Variants in MACROD2 observed in about 807,000 individuals in gnomAD.
MACROD2 encodes mono-ADP ribosylhydrolase 2, also known as ADP-ribose glycohydrolase MACROD2.
Under a neutral mutation model 70.4 loss-of-function variants are expected in MACROD2, and 36 were observed. The ratio of observed to expected loss-of-function variants is 0.51; its 90% confidence interval spans 0.39 to 0.68. MACROD2 has a LOEUF of 0.68. Ranked by LOEUF, MACROD2 falls within the 30% of genes least tolerant of loss-of-function variation. The probability of loss-of-function intolerance (pLI) is 0.00; values close to 1 mark genes in which losing one functional copy is unlikely to be tolerated. For synonymous variants in MACROD2, 172 were observed against 178.8 expected (o/e 0.96, Z 0.30); for missense variants, 496 against 538.4 (o/e 0.92, Z 0.78).
intron 5 of MACROD2, among the ~76,000 whole-genome samples, chr20:14,792,175 C>A (rs918848552): frequency 6.6e-6 from 1 of 151,950 alleles, no homozygotes; most frequent in Non-Finnish European, 1.5e-5. Flanking sequence ...ATGGCGGCCA[C>A]TGTTTCTCTT....
chr20:14,900,527 G>T (rs1375227924), intron 5 of MACROD2, among the ~76,000 whole-genome samples: 1 of 151,850 alleles, frequency 6.6e-6, no homozygotes, highest in Non-Finnish European at 1.5e-5. Flanking sequence ...CTTCTTGAGT[G>T]AGTTCAGTAG....
intron 10 of MACROD2, among the ~76,000 whole-genome samples, chr20:15,895,799 C>T (rs915000020): frequency 6.6e-6 from 1 of 152,224 alleles, no homozygotes; most frequent in African/African-American, 2.4e-5. Flanking sequence ...AGGAATCAAT[C>T]TCCGGGTTGC....
At chr20:15,144,674 A>G (rs1436161809) in intron 5 of MACROD2, among the ~76,000 whole-genome samples, 1 of 152,206 alleles carries the variant, frequency 6.6e-6, no homozygotes, top group East Asian at 1.9e-4. Flanking sequence ...TAAATGTCAC[A>G]CTATGACTGA....
chr20:15,278,324 G>C (rs775225655), intron 6 of MACROD2, among the ~76,000 whole-genome samples: 10 of 152,186 alleles, frequency 6.6e-5, no homozygotes, highest in Non-Finnish European at 1.5e-4. Flanking sequence ...CCCAACTTCA[G>C]GGGGAGATAG....
At chr20:14,709,775 T>C (rs1233738543) in intron 5 of MACROD2, among the ~76,000 whole-genome samples, 1 of 152,180 alleles carries the variant, frequency 6.6e-6, no homozygotes, top group Non-Finnish European at 1.5e-5. Flanking sequence ...TCTTTTAGGA[T>C]TAGGTCATTT....
chr20:14,878,988 A>G (rs1224978907), intron 5 of MACROD2, among the ~76,000 whole-genome samples: 2 of 152,082 alleles, frequency 1.3e-5, no homozygotes, highest in African/African-American at 4.8e-5. Flanking sequence ...TACTTCCTGC[A>G]TGCTTCAGCC....
chr20:15,675,701 A>G (rs572790475), intron 8 of MACROD2, among the ~76,000 whole-genome samples: 4 of 152,310 alleles, frequency 2.6e-5, no homozygotes, highest in African/African-American at 9.6e-5. Flanking sequence ...AAGAGAAGAC[A>G]GGTTTGCTAA....
chr20:15,625,487 T>C (rs554290552), intron 8 of MACROD2, among the ~76,000 whole-genome samples: 28 of 152,320 alleles, frequency 1.8e-4, no homozygotes, highest in African/African-American at 4.8e-4. Context: ...TTAATTTATC[T>C]TGAAAAATAA....
At chr20:15,275,566 TTGG>T (rs1409329930) in intron 6 of MACROD2, among the ~76,000 whole-genome samples, 3 of 152,140 alleles carry the variant, frequency 2.0e-5, no homozygotes, top group Admixed American at 1.3e-4. Flanking sequence ...AAAATGCAAC[TTGG>T]TGGTGATAGA....
intron 5 of MACROD2, among the ~76,000 whole-genome samples, chr20:15,108,055 A>G (rs935052282): frequency 2.0e-5 from 3 of 150,136 alleles, no homozygotes; most frequent in African/African-American, 4.9e-5. Flanking sequence ...AGTAGAGGCT[A>G]TTGGTTAAGA....
intron 8 of MACROD2, among the ~76,000 whole-genome samples, chr20:15,555,131 G>T (rs1600582883): frequency 6.6e-6 from 1 of 152,144 alleles, no homozygotes; most frequent in Non-Finnish European, 1.5e-5. Flanking sequence ...GTGTGTGAAG[G>T]GGATCCCAGT....
At chr20:14,867,089 C>T (rs1324211048) in intron 5 of MACROD2, among the ~76,000 whole-genome samples, 1 of 152,020 alleles carries the variant, frequency 6.6e-6, no homozygotes, top group Admixed American at 6.6e-5. Context: ...CCTCAAGGAT[C>T]GTGTTTAGGT....
intron 3 of MACROD2, among the ~76,000 whole-genome samples, chr20:14,284,269 A>C (rs2082327815): frequency 6.6e-6 from 1 of 152,338 alleles, no homozygotes; most frequent in South Asian, 2.1e-4. Context: ...CATACTGAAA[A>C]TCTTAATGCT....
intron 8 of MACROD2, among the ~76,000 whole-genome samples, chr20:15,729,829 TGC>T (rs2050918259): frequency 3.5e-5 from 4 of 114,292 alleles, no homozygotes; most frequent in Non-Finnish European, 3.5e-5. Flanking sequence ...AGTTGGGTCA[TGC>T]TTTTTTTTTT....
intron 5 of MACROD2, among the ~76,000 whole-genome samples, chr20:14,821,631 T>G (rs2072846070): frequency 6.6e-6 from 1 of 152,132 alleles, no homozygotes; most frequent in African/African-American, 2.4e-5. Flanking sequence ...TTGTTTTCCC[T>G]AAGTCTAGTC....
At chr20:14,382,883 T>TA (rs568153563) in intron 3 of MACROD2, among the ~76,000 whole-genome samples, 31 of 151,992 alleles carry the variant, frequency 2.0e-4, no homozygotes, top group African/African-American at 7.0e-4. Flanking sequence ...TTATCTTGCT[T>TA]AAAAAAAATT....
intron 3 of MACROD2, among the ~76,000 whole-genome samples, chr20:14,304,498 TC>T (rs2082503131): frequency 6.6e-6 from 1 of 152,218 alleles, no homozygotes; most frequent in African/African-American, 2.4e-5. Context: ...TTGACTAAAC[TC>T]CCCCACGCTC....
intron 2 of MACROD2, among the ~76,000 whole-genome samples, chr20:14,051,602 C>G (rs1161060060): frequency 6.6e-6 from 1 of 151,954 alleles, no homozygotes; most frequent in African/African-American, 2.4e-5. Context: ...TCTTTAAATT[C>G]TAGGTATTGG....
At chr20:14,732,855 C>T (rs942855872) in intron 5 of MACROD2, among the ~76,000 whole-genome samples, 1 of 152,060 alleles carries the variant, frequency 6.6e-6, no homozygotes. Flanking sequence ...ACTTTGTCCT[C>T]TTGTTAAGGA....
Sources: gnomAD v4.1 joint callset for allele counts (sites outside exome capture counted in the v4.1 genomes callset) on GRCh38, gnomAD v4.1.1 for gene constraint, MANE v1.5 for transcripts, NCBI Gene and HGNC (gene_info 2026-07-23, HGNC 2026-07-21) for gene names.